Variants in DYNC1I2 observed in about 807,000 individuals in gnomAD.
DYNC1I2 encodes the protein dynein cytoplasmic 1 intermediate chain 2, also known as cytoplasmic dynein 1 intermediate chain 2.
A neutral mutation model predicts 88.6 loss-of-function variants in DYNC1I2; 53 were observed. The observed-to-expected ratio is 0.60, with a 90% CI of 0.48 to 0.75. The LOEUF (loss-of-function observed/expected upper bound fraction) is 0.75. DYNC1I2 is among the 30% of genes least tolerant of loss of function. The probability of loss-of-function intolerance (pLI) is 0.00; values close to 1 mark genes in which losing one functional copy is unlikely to be tolerated. For synonymous variants in DYNC1I2, 198 were observed against 254.6 expected (o/e 0.78, Z 2.12); for missense variants, 458 against 766.6 (o/e 0.60, Z 4.75).
rs374862613 is a variant in DYNC1I2 at position 171,747,912 on chromosome 2, T to C, written c.*23T>C. 42 of 1,523,668 alleles carry C rather than the reference T, an allele frequency of 2.8e-5. No homozygotes were observed. Among genetic ancestry groups the C allele is most frequent in the Non-Finnish European group, 3.8e-5 (42 of 1,102,612 alleles). The allele number at this position is 1,523,668 out of a possible 1,614,324, so 94.4% of individuals were successfully genotyped here. A position where few individuals can be genotyped will look rare whatever the true frequency, so the allele number is the denominator to read the frequency against. On this transcript the variant is annotated 3_prime_UTR_variant, in exon 18 of 18. Coordinates refer to ENST00000397119, the MANE Select transcript of DYNC1I2 (RefSeq NM_001378.3). ...TAGTTCCTGAAAAGGGGAGTGTAAC[T>C]AGTGGATTTGGGAAAGGTTCTTAAG...
At chr2:171,720,778 A>G (rs957559369) in intron 7 of DYNC1I2, among the ~76,000 whole-genome samples, 11 of 152,190 alleles carry the variant, frequency 7.2e-5, no homozygotes, top group Admixed American at 2.0e-4. Context: ...TTTGGAATGA[A>G]TAACACATTT....
rs189928480 is a variant in DYNC1I2 at position 171,725,529 on chromosome 2, C to T, written c.512-89C>T. 2,598 of 857,406 alleles carry T rather than the reference C, an allele frequency of 3.0e-3. 8 individuals are homozygous for T. Among genetic ancestry groups the T allele is most frequent in the Non-Finnish European group, 4.0e-3 (2,284 of 575,352 alleles). The allele number at this position is 857,406 out of a possible 1,614,324, so 53.1% of individuals were successfully genotyped here. ...GTTGTGATACCTTCTGAAATACTGT[C>T]TCAAAAGTTACCAGCTATTTTCATT... is the stretch of plus-strand genomic sequence containing the variant. On this transcript the variant is annotated intron_variant, in intron 7 of 17. Transcript: ENST00000397119.
intron 15 of DYNC1I2, among the ~76,000 whole-genome samples, chr2:171,733,717 G>GT (rs750801914): frequency 7.3e-5 from 11 of 151,072 alleles, no homozygotes; most frequent in Non-Finnish European, 1.6e-4. Flanking sequence ...CTCCCTTTCT[G>GT]TAAGTTGTCT....
intron 11 of DYNC1I2, 126 bp downstream of exon 11, chr2:171,727,042 C>A: frequency 9.5e-7 from 1 of 1,050,842 alleles, no homozygotes; most frequent in Non-Finnish European, 1.3e-6. Flanking sequence ...CTAAACCACT[C>A]CATATTTGCA....
At chr2:171,716,366 A>G (rs977130416) in intron 7 of DYNC1I2, among the ~76,000 whole-genome samples, 4 of 152,160 alleles carry the variant, frequency 2.6e-5, no homozygotes, top group Admixed American at 2.0e-4. Context: ...AGAGTTTACC[A>G]CCAAATGAGT....
chr2:171,704,846 C>T (rs540535366), intron 3 of DYNC1I2, among the ~76,000 whole-genome samples: 7 of 152,194 alleles, frequency 4.6e-5, no homozygotes, highest in Non-Finnish European at 1.0e-4. Flanking sequence ...TAGCAGTTAC[C>T]AAATAACACT....
At chr2:171,732,131 A>C (rs1279127808) in intron 15 of DYNC1I2, among the ~76,000 whole-genome samples, 1 of 152,218 alleles carries the variant, frequency 6.6e-6, no homozygotes, top group Non-Finnish European at 1.5e-5. Context: ...TGGGAGTCCA[A>C]GGCGGGTGGA....
chr2:171,715,203 A>G, intron 6 of DYNC1I2, 125 bp from the exon 7 acceptor site: 1 of 561,354 alleles, frequency 1.8e-6, no homozygotes, highest in Non-Finnish European at 3.1e-6. Flanking sequence ...GTTAATCTAA[A>G]ATTTCTTGAA....
At chr2:171,740,014 T>C (rs568795181) in intron 15 of DYNC1I2, among the ~76,000 whole-genome samples, 3 of 152,146 alleles carry the variant, frequency 2.0e-5, no homozygotes, top group Non-Finnish European at 4.4e-5. Context: ...CCAGCCACAA[T>C]TGACATACCT....
At chr2:171,712,730 T>C in intron 5 of DYNC1I2, 37 bp from the exon 6 acceptor site, 1 of 1,553,106 alleles carries the variant, frequency 6.4e-7, no homozygotes, top group East Asian at 2.2e-5. Context: ...TATGGCCTTT[T>C]TTGCTAATGC....
intron 15 of DYNC1I2, among the ~76,000 whole-genome samples, chr2:171,736,976 C>T (rs1689053144): frequency 6.6e-6 from 1 of 152,202 alleles, no homozygotes; most frequent in Non-Finnish European, 1.5e-5. Flanking sequence ...CCAAAGCTGC[C>T]ATAACAAATT....
chr2:171,705,034 G>A (rs953725561), intron 3 of DYNC1I2, among the ~76,000 whole-genome samples: 6 of 151,958 alleles, frequency 3.9e-5, no homozygotes, highest in African/African-American at 1.4e-4. Context: ...CCTATATTTG[G>A]GAGAAAGAAG....
rs1483359711 is a variant in DYNC1I2 at position 171,728,752 on chromosome 2, A to C, written c.1293A>C (p.Ala431=). ...SMELVHKQSK[A]VAVTSMSFPV... is the part of the protein sequence containing the mutation. ...AGTTGGTTCATAAACAGTCAAAAGC[A>C]GTAGCTGTGACATCTATGTCCTTCC... is the stretch of plus-strand genomic sequence containing the variant. The change falls in exon 14 of 18, where the codon GCA becomes GCC. Residue 431 remains alanine (A), a synonymous_variant. Transcript: ENST00000397119. 2 of 1,608,344 alleles carry C rather than the reference A, an allele frequency of 1.2e-6. No individual in the cohort carries two copies. The highest frequency in any genetic ancestry group is 1.7e-6 in the Non-Finnish European group (2 of 1,177,878).
At chr2:171,727,704 A>T in intron 11 of DYNC1I2, 117 bp from the exon 12 acceptor site, 2 of 728,852 alleles carry the variant, frequency 2.7e-6, no homozygotes, top group Non-Finnish European at 4.0e-6. Context: ...AGTTGTTTTT[A>T]TAACCTCTAA....
chr2:171,744,458 C>T (rs900874595), intron 16 of DYNC1I2, among the ~76,000 whole-genome samples: 3 of 152,162 alleles, frequency 2.0e-5, no homozygotes, highest in African/African-American at 7.2e-5. Flanking sequence ...GGCAAAGTCT[C>T]ATTCATAAGA....
intron 5 of DYNC1I2, among the ~76,000 whole-genome samples, chr2:171,709,252 T>G (rs1234819382): frequency 1.3e-5 from 2 of 152,228 alleles, no homozygotes; most frequent in Non-Finnish European, 2.9e-5. Flanking sequence ...ACTTTGACAC[T>G]TAAGTTTTTT....
At chr2:171,705,666 A>T (rs1029144767) in intron 3 of DYNC1I2, among the ~76,000 whole-genome samples, 1 of 152,076 alleles carries the variant, frequency 6.6e-6, no homozygotes, top group South Asian at 2.1e-4. Context: ...AAATGAAGAA[A>T]TGTAACCTAA....
Position 171,725,614 on chromosome 2 carries a change from T to C in DYNC1I2, c.512-4T>C, listed in dbSNP as rs753738597. On this transcript the variant is annotated splice_polypyrimidine_tract_variant and splice_region_variant and intron_variant, in intron 7 of 17. Transcript: ENST00000397119. ...TTTTTGTTTGTTTTTTTTTTTTTTTTCAGATGAAGAGGAAGATGATGATGT... is the reference window on the plus strand; with the variant it reads ...TTTTTGTTTGTTTTTTTTTTTTTTTCCAGATGAAGAGGAAGATGATGATGT... 1.9e-5 allele frequency: 27 copies of C among 1,439,334 alleles called. No homozygotes were observed. In the Admixed American group the frequency reaches 2.9e-4, roughly 16 times the overall value. The allele number at this position is 1,439,334 out of a possible 1,614,324, so 89.2% of individuals were successfully genotyped here. A position where few individuals can be genotyped will look rare whatever the true frequency, so the allele number is the denominator to read the frequency against.
intron 3 of DYNC1I2, 114 bp downstream of exon 3, chr2:171,693,008 A>C: frequency 1.3e-6 from 1 of 782,354 alleles, no homozygotes; most frequent in South Asian, 1.6e-5. Context: ...TGTCTCTAAA[A>C]TTATTAATCT....
Sources: allele counts gnomAD v4.1 joint callset (sites outside exome capture counted in the v4.1 genomes callset), GRCh38; gene constraint gnomAD v4.1.1; transcripts MANE v1.5; gene names NCBI Gene and HGNC (gene_info 2026-07-23, HGNC 2026-07-21).